Variants in HIP1 observed in about 807,000 individuals in gnomAD.
HIP1 encodes the protein huntingtin-interacting protein 1.
HIP1 carries 65 observed loss-of-function variants against 147.6 expected under a neutral mutation model. That is an observed-to-expected ratio of 0.44 (90% CI 0.36 to 0.54). HIP1 has a LOEUF of 0.54. Ranked by LOEUF, HIP1 falls within the 20% of genes least tolerant of loss-of-function variation. The probability of loss-of-function intolerance (pLI) is 0.00; values close to 1 mark genes in which losing one functional copy is unlikely to be tolerated. For missense variants in HIP1, 1,061 were observed against 1,299.6 expected (o/e 0.82, Z 2.82); for synonymous variants, 479 against 504.0 (o/e 0.95, Z 0.67).
chr7:75,645,330 G>A (rs937251444), intron 1 of HIP1, among the ~76,000 whole-genome samples: 2 of 152,024 alleles, frequency 1.3e-5, no homozygotes, highest in Non-Finnish European at 2.9e-5. Flanking sequence ...GGGTTCAAGC[G>A]ATTCTCCTGC....
intron 1 of HIP1, among the ~76,000 whole-genome samples, chr7:75,648,690 T>C (rs773637352): frequency 8.6e-5 from 13 of 151,790 alleles, no homozygotes; most frequent in Admixed American, 1.3e-4. Flanking sequence ...GAAGCCTGAA[T>C]TGGGGCCATG....
chr7:75,609,902 T>C (rs1397909993), intron 1 of HIP1, among the ~76,000 whole-genome samples: 22 of 145,784 alleles, frequency 1.5e-4, no homozygotes, highest in Admixed American at 1.2e-3. Context: ...TCTCTTCTTT[T>C]CTTTTTTTTT....
At chr7:75,674,429 G>A (rs1799822684) in intron 1 of HIP1, among the ~76,000 whole-genome samples, 1 of 151,952 alleles carries the variant, frequency 6.6e-6, no homozygotes, top group African/African-American at 2.4e-5. Context: ...TAAGATTCTT[G>A]GCTGGCAGTT....
chr7:75,648,804 G>T (rs1798886063), intron 1 of HIP1, among the ~76,000 whole-genome samples: 2 of 151,932 alleles, frequency 1.3e-5, no homozygotes, highest in Admixed American at 6.6e-5. Context: ...GGAGGCAGTG[G>T]GGACATTAAG....
chr7:75,619,515 CAAA>C (rs587631989), intron 1 of HIP1, among the ~76,000 whole-genome samples: 11 of 109,680 alleles, frequency 1.0e-4, no homozygotes, highest in Non-Finnish European at 7.5e-5. Context: ...GACTTTGTCT[CAAA>C]AAAAAAAAAA....
intron 28 of HIP1, among the ~76,000 whole-genome samples, chr7:75,542,260 G>C (rs1267807076): frequency 1.3e-5 from 2 of 152,062 alleles, no homozygotes; most frequent in Admixed American, 1.3e-4. Flanking sequence ...GCTGGGTGCA[G>C]TGGTGGGCGC....
intron 1 of HIP1, among the ~76,000 whole-genome samples, chr7:75,680,063 GAC>G (rs1281243001): frequency 3.3e-5 from 5 of 152,166 alleles, no homozygotes; most frequent in East Asian, 1.9e-4. Context: ...CATTCATTGA[GAC>G]AGAGTCTCAC....
At chr7:75,705,118 C>T (rs1053730569) in intron 1 of HIP1, among the ~76,000 whole-genome samples, 2 of 152,150 alleles carry the variant, frequency 1.3e-5, no homozygotes, top group African/African-American at 4.8e-5. Flanking sequence ...CGCTATCCAT[C>T]GGCAGAACTC....
intron 1 of HIP1, among the ~76,000 whole-genome samples, chr7:75,694,139 T>C (rs1251908166): frequency 1.3e-5 from 2 of 152,050 alleles, no homozygotes; most frequent in African/African-American, 4.8e-5. Flanking sequence ...AGGCTTGTTT[T>C]GAATTCCTAA....
At chr7:75,573,940 G>A in intron 7 of HIP1, 39 bp from the exon 8 acceptor site, 1 of 1,585,192 alleles carries the variant, frequency 6.3e-7, no homozygotes, top group East Asian at 2.3e-5. Context: ...GGTAGAGCCA[G>A]GGGATTACAG....
intron 1 of HIP1, among the ~76,000 whole-genome samples, chr7:75,708,783 A>G (rs1554519913): frequency 6.6e-6 from 1 of 152,076 alleles, no homozygotes; most frequent in African/African-American, 2.4e-5. Flanking sequence ...TGAAATCAGG[A>G]AAAACATAGT....
chr7:75,545,002 T>A, intron 26 of HIP1, 86 bp downstream of exon 26: 1 of 822,178 alleles, frequency 1.2e-6, no homozygotes, highest in Admixed American at 2.5e-5. Flanking sequence ...AAGGGACAGA[T>A]TTTTTTTTCC....
At chr7:75,648,206 C>A (rs190642139) in intron 1 of HIP1, among the ~76,000 whole-genome samples, 1 of 151,554 alleles carries the variant, frequency 6.6e-6, no homozygotes, top group African/African-American at 2.4e-5. Context: ...GATGGAGTAG[C>A]TGAGAGTGGT....
chr7:75,645,384 A>G (rs1482036088), intron 1 of HIP1, among the ~76,000 whole-genome samples: 2 of 151,564 alleles, frequency 1.3e-5, no homozygotes, highest in African/African-American at 4.9e-5. Context: ...GCACCACCAC[A>G]CCCAGCTAAT....
rs528182316 is a variant in HIP1 at position 75,699,920 on chromosome 7, G to A, written c.120+38881C>T. Among the ~76,000 whole-genome samples the A allele has an allele frequency of 5.9e-5, 9 of 151,644 alleles. No homozygotes were observed. In the East Asian group the frequency reaches 1.4e-3, roughly 23 times the overall value. ...GGCTGGAGTGCAGTGGCACAATCTC[G>A]GCTCACTGCAACCTCCACCTCCCAG... On this transcript the variant is annotated intron_variant, in intron 1 of 30. Transcript: ENST00000336926.
intron 1 of HIP1, among the ~76,000 whole-genome samples, chr7:75,646,413 G>A (rs977067574): frequency 6.6e-6 from 1 of 152,254 alleles, no homozygotes; most frequent in Non-Finnish European, 1.5e-5. Flanking sequence ...ATGAGCAGCT[G>A]TGCAGTGCTT....
chr7:75,651,460 C>CAAAA (rs1168846001), intron 1 of HIP1, among the ~76,000 whole-genome samples: 441 of 44,078 alleles, frequency 0.01, 3 homozygotes, highest in East Asian at 0.02. Context: ...CTCCATATCT[C>CAAAA]AAAAAAAAAA....
At position 75,568,469 on chromosome 7, in the gene HIP1, C is replaced by T. The variant is rs1795495335; in HGVS notation, c.746-213G>A. 6.6e-6 allele frequency among the ~76,000 whole-genome samples: 1 copy of T among 152,186 alleles called. No individual in the cohort carries two copies. The highest frequency in any genetic ancestry group is 2.4e-5 in the African/African-American group (1 of 41,440). ...TGTGGAGACGCTTATCCTCCAAATCCTTTCACTTCAATTAGTTCCTGAAGG... is the reference window on the plus strand; with the variant it reads ...TGTGGAGACGCTTATCCTCCAAATCTTTTCACTTCAATTAGTTCCTGAAGG... On this transcript the variant is annotated intron_variant, in intron 8 of 30. Coordinates refer to ENST00000336926, the MANE Select transcript of HIP1 (RefSeq NM_005338.7). This position sits in a 1 kb window ranked among gnomAD's most constrained non-coding sequence, Gnocchi z 4.1.
At chr7:75,684,520 G>A (rs1416030716) in intron 1 of HIP1, among the ~76,000 whole-genome samples, 6 of 148,324 alleles carry the variant, frequency 4.0e-5, no homozygotes, top group South Asian at 2.1e-4. Context: ...TTTTGTTTTC[G>A]TATATCCTAA....
Sources: gnomAD v4.1 joint callset for allele counts (sites outside exome capture counted in the v4.1 genomes callset) on GRCh38, gnomAD v4.1.1 for gene constraint, Gnocchi (gnomAD v3.1) non-coding constraint, MANE v1.5 for transcripts, NCBI Gene and HGNC (gene_info 2026-07-23, HGNC 2026-07-21) for gene names.